The following PPP1R18 variants were observed in gnomAD, a reference collection of about 807,000 sequenced individuals.
The protein encoded by PPP1R18 is phostensin.
PPP1R18 carries 31 observed loss-of-function variants against 54.8 expected under a neutral mutation model. The ratio of observed to expected loss-of-function variants is 0.57; its 90% CI spans 0.43 to 0.76. The LOEUF is 0.76. Among genes scored for constraint, PPP1R18 ranks in the 30% least tolerant of loss-of-function variants. The pLI is 0.00. For synonymous variants in PPP1R18, 310 were observed against 320.2 expected (o/e 0.97, Z 0.34); for missense variants, 685 against 776.1 (o/e 0.88, Z 1.39).
chr6:30,679,196 G>A lies in PPP1R18; in HGVS notation c.1805C>T (p.Thr602Ile). The change falls in exon 2 of 3, where the codon ACC becomes ATC. Residue 602 changes from threonine (T) to isoleucine (I), a missense_variant. Physicochemically the swap from Thr to Ile is moderately conservative, Grantham distance 89. Coordinates refer to ENST00000274853, the MANE Select transcript of PPP1R18 (RefSeq NM_133471.4). Reference sequence around the variant, plus strand: ...CCGCTTACCCACAATCAGGGCCTTGGTGCGCAGCCCGCCCTGGAGCTCTGG... The same window carrying A: ...CCGCTTACCCACAATCAGGGCCTTGATGCGCAGCCCGCCCTGGAGCTCTGG... Reference protein sequence around the residue: ...LQPELQGGLRTKALIVDESCR... With the variant: ...LQPELQGGLRIKALIVDESCR... The A allele has an allele frequency of 1.3e-6, 2 of 1,592,768 alleles. No homozygotes were observed. Among genetic ancestry groups the A allele is most frequent in the Non-Finnish European group, 1.7e-6 (2 of 1,173,948 alleles).
Position 30,685,609 on chromosome 6 carries a change from C to T in PPP1R18, c.410G>A (p.Arg137Lys), listed in dbSNP as rs2127615075. The T allele has an allele frequency of 1.2e-6, 2 of 1,613,036 alleles. No homozygotes were observed. Among genetic ancestry groups the T allele is most frequent in the East Asian group, 2.2e-5 (1 of 44,892 alleles). ...ACTTAGTCTCTCTTCTCTTGACTCT[C>T]TTCCCTTGGGGCTCTGATCCCGCAT... Reference protein sequence around the residue: ...GEMRDQSPKGRESREERLSPR... With the variant: ...GEMRDQSPKGKESREERLSPR... The change falls in exon 1 of 3, where the codon AGA becomes AAA. Residue 137 changes from arginine (R) to lysine (K), a missense_variant. Coordinates refer to ENST00000274853, the MANE Select transcript of PPP1R18 (RefSeq NM_133471.4). The surrounding 1 kb of genome is among the most constrained non-coding windows in gnomAD (Gnocchi z 5.0).
At position 30,677,108 on chromosome 6, in the gene PPP1R18, T is replaced by A; in HGVS notation, c.*161A>T. ...TGGATTAGGGTAGAAATTGGGCAAT[T>A]GGCTCTGCCCCCAGAAACAGGGTGG... On this transcript the variant is annotated 3_prime_UTR_variant, in exon 3 of 3. Transcript: ENST00000274853. 1.3e-6 allele frequency: 1 copy of A among 757,212 alleles called. No homozygotes were observed. 46.9% of individuals were successfully genotyped at this position (757,212 alleles called of 1,614,324 possible).
At chr6:30,687,488 G>A (rs780166345), upstream of PPP1R18, 6 of 152,654 alleles carry the variant, frequency 3.9e-5, no homozygotes, top group Non-Finnish European at 8.8e-5. The surrounding 1 kb of genome is among the most constrained non-coding windows in gnomAD (Gnocchi z 7.9). Context: ...GACACGCCAG[G>A]TGTCCAGATC....
chr6:30,680,109 T>C (rs894695207), intron 1 of PPP1R18, among the ~76,000 whole-genome samples: 1 of 151,818 alleles, frequency 6.6e-6, no homozygotes, highest in Non-Finnish European at 1.5e-5. Flanking sequence ...CTGGGGGAGA[T>C]GACAAGGGCA....
rs1410733206 is a variant in PPP1R18 at position 30,686,078 on chromosome 6, A to G, written c.-60T>C. The G allele has an allele frequency of 6.7e-7, 1 of 1,490,802 alleles. No individual in the cohort carries two copies. Among genetic ancestry groups the G allele is most frequent in the Non-Finnish European group, 8.9e-7 (1 of 1,123,450 alleles). The allele number at this position is 1,490,802 out of a possible 1,614,324, so 92.3% of individuals were successfully genotyped here. A position where few individuals can be genotyped will look rare whatever the true frequency, so the allele number is the denominator to read the frequency against. ...ACAGAGAACAGGAAGGAGAGGCTCC[A>G]GAGAGTGAGACAGCCCGGGGGTGAG... On this transcript the variant is annotated 5_prime_UTR_variant, in exon 1 of 3. Transcript: ENST00000274853.
rs1770782604 is a variant in PPP1R18 at position 30,684,829 on chromosome 6, C to T, written c.1190G>A (p.Cys397Tyr). Residue 397 changes from cysteine to tyrosine, a missense_variant, in exon 1 of 3, where the codon TGC (cysteine) becomes TAC (tyrosine). Physicochemically the swap from Cys to Tyr is radical, Grantham distance 194. Coordinates refer to ENST00000274853, the MANE Select transcript of PPP1R18 (RefSeq NM_133471.4). The surrounding 1 kb of genome is among the most constrained non-coding windows in gnomAD (Gnocchi z 6.0). ...TGGTGGGAGGGGGGAGGGCACAGAGCAGCAGTTCTGCAGGGCTCTCAGAGG... is the reference window on the plus strand; with the variant it reads ...TGGTGGGAGGGGGGAGGGCACAGAGTAGCAGTTCTGCAGGGCTCTCAGAGG... ...GRPLRALQNCCSVPSPLPPED... is the reference protein window; with the variant it reads ...GRPLRALQNCYSVPSPLPPED... 6.2e-7 allele frequency: 1 copy of T among 1,612,796 alleles called. No individual in the cohort carries two copies. The highest frequency in any genetic ancestry group is 8.5e-7 in the Non-Finnish European group (1 of 1,180,000).
rs1022767361 is a variant in PPP1R18, at chr6:30,686,283, G to T, written c.-265C>A. ...GGGGTGATGTGAGAGGAAGAGTCCG[G>T]ATTGGAGGCAATGAGGGCAGGAGCC... On this transcript the variant is annotated 5_prime_UTR_variant, in exon 1 of 3. Transcript: ENST00000274853. 1 of 493,806 alleles carries T rather than the reference G, an allele frequency of 2.0e-6. No individual in the cohort carries two copies. The allele number at this position is 493,806 out of a possible 1,614,324, so 30.6% of individuals were successfully genotyped here. A position where few individuals can be genotyped will look rare whatever the true frequency, so the allele number is the denominator to read the frequency against.
Position 30,683,039 on chromosome 6 carries a change from A to G in PPP1R18, c.1611+1369T>C, listed in dbSNP as rs1039496484. Reference sequence around the variant, plus strand: ...TCAGAGGGCTGAGGGTAGGTTCCCAAGAACCATGGCTTAGAGGTGGGAGCT... The same window carrying G: ...TCAGAGGGCTGAGGGTAGGTTCCCAGGAACCATGGCTTAGAGGTGGGAGCT... On this transcript the variant is annotated intron_variant, in intron 1 of 2. Coordinates refer to ENST00000274853, the MANE Select transcript of PPP1R18 (RefSeq NM_133471.4). The surrounding 1 kb of genome is among the most constrained non-coding windows in gnomAD (Gnocchi z 5.1). Among the ~76,000 whole-genome samples, 1 of 152,226 alleles carries G rather than the reference A, an allele frequency of 6.6e-6. No homozygotes were observed. The highest frequency in any genetic ancestry group is 2.4e-5 in the African/African-American group (1 of 41,462).
rs764206519 is a variant in PPP1R18, at chr6:30,679,307, G to C, written c.1694C>G (p.Pro565Arg). The C allele has an allele frequency of 1.9e-6, 3 of 1,546,610 alleles. No homozygotes were observed. The highest frequency in any genetic ancestry group is 2.6e-6 in the Non-Finnish European group (3 of 1,145,680). Residue 565 changes from proline to arginine, a missense_variant, in exon 2 of 3, where the codon CCG becomes CGG. Transcript: ENST00000274853. ...SESSVLEELG[P>R]EPEVPSAPNP... Reference sequence around the variant, plus strand: ...GGGGGCACTGGGGACCTCAGGCTCCGGGCCCAGCTCCTCCAGTACCGAACT... The same window carrying C: ...GGGGGCACTGGGGACCTCAGGCTCCCGGCCCAGCTCCTCCAGTACCGAACT...
At chr6:30,687,490 G>C (rs942031971), upstream of PPP1R18, 1 of 152,578 alleles carries the variant, frequency 6.6e-6, no homozygotes, top group Non-Finnish European at 1.5e-5. The surrounding 1 kb of genome is among the most constrained non-coding windows in gnomAD (Gnocchi z 7.9). Context: ...CACGCCAGGT[G>C]TCCAGATCCC....
At chr6:30,681,153 G>C (rs1770530163) in intron 1 of PPP1R18, among the ~76,000 whole-genome samples, 1 of 149,378 alleles carries the variant, frequency 6.7e-6, no homozygotes, top group South Asian at 2.1e-4. Context: ...AAAGCCTACA[G>C]GGTGCTCCCA....
At chr6:30,682,353 C>G (rs903452268) in intron 1 of PPP1R18, among the ~76,000 whole-genome samples, 1 of 152,216 alleles carries the variant, frequency 6.6e-6, no homozygotes, top group Non-Finnish European at 1.5e-5. Flanking sequence ...CAGCCATCCC[C>G]TGGGCTCCAG....
Position 30,685,680 on chromosome 6 carries a change from CTT to C in PPP1R18, c.337_338del (p.Lys113AlafsTer109), listed in dbSNP as rs1770870725. 1 of 1,613,026 alleles carries C rather than the reference CTT, an allele frequency of 6.2e-7. No homozygotes were observed. The highest frequency in any genetic ancestry group is 1.3e-5 in the African/African-American group (1 of 74,964). On this transcript the variant is annotated frameshift_variant, in exon 1 of 3. Coordinates refer to ENST00000274853, the MANE Select transcript of PPP1R18 (RefSeq NM_133471.4). LOFTEE classifies it high-confidence loss of function. This position sits in a 1 kb window ranked among gnomAD's most constrained non-coding sequence, Gnocchi z 5.0. ...QRSEELLAER[K>X]PGPLEARERR... ...GCTCCCGGGCCTCCAGAGGCCCAGGCTTTCTCTCTGCTAGCAGCTCTTCACTC... is the reference window on the plus strand; with the variant it reads ...GCTCCCGGGCCTCCAGAGGCCCAGGCTCTCTCTGCTAGCAGCTCTTCACTC...
Position 30,679,300 on chromosome 6 carries a change from A to C in PPP1R18, c.1701T>G (p.Pro567=). 1 of 1,546,400 alleles carries C rather than the reference A, an allele frequency of 6.5e-7. No homozygotes were observed. The highest frequency in any genetic ancestry group is 1.2e-5 in the South Asian group (1 of 83,614). Residue 567 remains proline (P), a synonymous_variant, in exon 2 of 3, where the codon CCT becomes CCG. Coordinates refer to ENST00000274853, the MANE Select transcript of PPP1R18 (RefSeq NM_133471.4). ...GAGGGTTGGGGGCACTGGGGACCTC[A>C]GGCTCCGGGCCCAGCTCCTCCAGTA... The part of the protein sequence containing the change: ...SSVLEELGPE[P]EVPSAPNPPA...
upstream of PPP1R18, chr6:30,687,857 G>C (rs1389581158): frequency 2.6e-5 from 4 of 152,266 alleles, 1 homozygote; most frequent in Non-Finnish European, 5.9e-5. This position sits in a 1 kb window ranked among gnomAD's most constrained non-coding sequence, Gnocchi z 7.9. Flanking sequence ...AAGGGGATTT[G>C]AAGGAATGGG....
intron 1 of PPP1R18, among the ~76,000 whole-genome samples, chr6:30,682,909 C>G (rs574414507): frequency 1.3e-5 from 2 of 152,296 alleles, no homozygotes; most frequent in South Asian, 4.1e-4. Context: ...AGGCACAAGC[C>G]TCTCTCAGTA....
At position 30,685,131 on chromosome 6, in the gene PPP1R18, G is replaced by C. The variant is rs748686183; in HGVS notation, c.888C>G (p.Ser296=). The change falls in exon 1 of 3, where the codon TCC becomes TCG. Residue 296 remains serine (S), a synonymous_variant. Coordinates refer to ENST00000274853, the MANE Select transcript of PPP1R18 (RefSeq NM_133471.4). This position sits in a 1 kb window ranked among gnomAD's most constrained non-coding sequence, Gnocchi z 5.0. ...CTTGGGCCTCCCTTGTCAGGGTCTC[G>C]GACAGCTCTGCAGTCTCTTTTGGAG... The part of the protein sequence containing the change: ...GVAPKETAEL[S]ETLTREAQGN... 1 of 1,612,904 alleles carries C rather than the reference G, an allele frequency of 6.2e-7. No homozygotes were observed.
upstream of PPP1R18, chr6:30,686,738 C>G (rs1770982848): frequency 6.7e-6 from 1 of 149,850 alleles, no homozygotes; most frequent in African/African-American, 2.5e-5. Context: ...GCCCCCGAGG[C>G]GGGTCGGGGG....
In PPP1R18 at chr6:30,686,284, A is replaced by T. The variant is rs903969070; in HGVS notation, c.-266T>A. The T allele has an allele frequency of 8.1e-6, 4 of 491,528 alleles. No individual in the cohort carries two copies. Among genetic ancestry groups the T allele is most frequent in the African/African-American group, 7.9e-5 (4 of 50,544 alleles). The allele number at this position is 491,528 out of a possible 1,614,324, so 30.4% of individuals were successfully genotyped here. ...GGGTGATGTGAGAGGAAGAGTCCGG[A>T]TTGGAGGCAATGAGGGCAGGAGCCA... On this transcript the variant is annotated 5_prime_UTR_variant, in exon 1 of 3. Coordinates refer to ENST00000274853, the MANE Select transcript of PPP1R18 (RefSeq NM_133471.4).
Sources: allele counts gnomAD v4.1 joint callset (sites outside exome capture counted in the v4.1 genomes callset), GRCh38; gene constraint gnomAD v4.1.1; non-coding constraint Gnocchi (gnomAD v3.1); transcripts MANE v1.5; gene names NCBI Gene and HGNC (gene_info 2026-07-23, HGNC 2026-07-21).